The following TXNDC16 variants were observed in gnomAD, a reference collection of about 807,000 sequenced individuals.
TXNDC16 encodes thioredoxin domain containing 16.
A neutral mutation model predicts 85.6 loss-of-function variants in TXNDC16; 74 were observed. The observed-to-expected ratio is 0.86, with a 90% CI of 0.72 to 1.05. The LOEUF is 1.05. Ranked by LOEUF, TXNDC16 falls within the 50% of genes least tolerant of loss-of-function variation. The pLI, the probability that TXNDC16 is intolerant of heterozygous loss-of-function variation, is 0.00. For synonymous variants in TXNDC16, 335 were observed against 326.5 expected, an observed-to-expected ratio of 1.03 and a Z score of -0.28; for missense variants, 959 against 947.0, an observed-to-expected ratio of 1.01 and a Z score of -0.17.
intron 11 of TXNDC16, among the ~76,000 whole-genome samples, chr14:52,489,343 A>G (rs974754464): frequency 6.8e-4 from 103 of 152,280 alleles, no homozygotes; most frequent in African/African-American, 2.4e-3. Context: ...TTATTTCACT[A>G]TTGCCCAACT....
chr14:52,514,637 G>A (rs2037036118), intron 8 of TXNDC16, among the ~76,000 whole-genome samples: 1 of 152,068 alleles, frequency 6.6e-6, no homozygotes, highest in Non-Finnish European at 1.5e-5. Context: ...CTCACATCTT[G>A]TGGCTTATCC....
intron 8 of TXNDC16, among the ~76,000 whole-genome samples, chr14:52,512,241 G>C (rs79720789): frequency 0.013 from 2,033 of 151,934 alleles, 44 homozygotes; most frequent in African/African-American, 0.046. Flanking sequence ...AACAGATAAA[G>C]GTAAATAAAA....
chr14:52,542,148 C>G (rs2037844262), intron 4 of TXNDC16, among the ~76,000 whole-genome samples: 1 of 152,006 alleles, frequency 6.6e-6, no homozygotes, highest in Non-Finnish European at 1.5e-5. Context: ...AAGTTAAATT[C>G]TAAGCTAAAA....
At position 52,440,782 on chromosome 14, in the gene TXNDC16, C is replaced by T; in HGVS notation, c.1843-58G>A. The T allele has an allele frequency of 1.4e-6, 2 of 1,430,748 alleles. No homozygotes were observed. Among genetic ancestry groups the T allele is most frequent in the South Asian group, 1.3e-5 (1 of 75,170 alleles). 88.6% of individuals were successfully genotyped at this position (1,430,748 alleles called of 1,614,324 possible). ...ATGCATTGGGGATGATAATGCATAC[C>T]ACAGAAGACATTCAAATCACTCAGT... On this transcript the variant is annotated intron_variant, in intron 18 of 20. Coordinates refer to ENST00000281741, the MANE Select transcript of TXNDC16 (RefSeq NM_020784.3).
At chr14:52,525,496 C>A (rs1186732157) in intron 6 of TXNDC16, among the ~76,000 whole-genome samples, 1 of 146,362 alleles carries the variant, frequency 6.8e-6, no homozygotes, top group African/African-American at 2.5e-5. Flanking sequence ...TTGAGAACAG[C>A]CTAACCAACA....
chr14:52,448,143 AAC>A (rs1428232531), intron 18 of TXNDC16, among the ~76,000 whole-genome samples: 1 of 152,090 alleles, frequency 6.6e-6, no homozygotes, highest in African/African-American at 2.4e-5. Flanking sequence ...AAAAGATAGT[AAC>A]AGAGAATTTC....
intron 18 of TXNDC16, among the ~76,000 whole-genome samples, chr14:52,442,236 C>T (rs952079744): frequency 4.6e-5 from 7 of 152,152 alleles, no homozygotes; most frequent in Admixed American, 1.3e-4. Flanking sequence ...TTCAGTTCCA[C>T]GTCCATTATT....
intron 1 of TXNDC16, 115 bp downstream of exon 1, chr14:52,552,201 T>A (rs1046107349): frequency 6.6e-6 from 1 of 152,316 alleles, no homozygotes; most frequent in East Asian, 1.9e-4. Flanking sequence ...GACGGGTGTC[T>A]TAAGTCAGAC....
intron 20 of TXNDC16, among the ~76,000 whole-genome samples, chr14:52,438,060 T>C (rs1183839225): frequency 6.6e-6 from 1 of 152,186 alleles, no homozygotes; most frequent in African/African-American, 2.4e-5. Context: ...ACTAAATTGC[T>C]GCAATCTTAT....
chr14:52,459,012 G>A (rs2035595656), intron 16 of TXNDC16, among the ~76,000 whole-genome samples: 1 of 151,824 alleles, frequency 6.6e-6, no homozygotes, highest in South Asian at 2.1e-4. Flanking sequence ...CTCCTCCTTG[G>A]TAAAAACTGT....
chr14:52,467,351 A>G (rs150611735), intron 16 of TXNDC16, among the ~76,000 whole-genome samples: 1 of 152,196 alleles, frequency 6.6e-6, no homozygotes, highest in African/African-American at 2.4e-5. Context: ...TTACAAATCA[A>G]ATCTTTGATA....
At chr14:52,457,301 T>C (rs571903646) in intron 16 of TXNDC16, 127 bp from the exon 17 acceptor site, 1 of 515,584 alleles carries the variant, frequency 1.9e-6, no homozygotes, top group African/African-American at 2.0e-5. Flanking sequence ...TAAGTGCAGA[T>C]GTCTTATATA....
In TXNDC16 at chr14:52,490,457, T is replaced by C. The variant is rs558681457; in HGVS notation, c.924-6A>G. ...TGTTCACTTCCAAAGAGTCCCTTTTTCAAAATGGAAATAAATGTTTTATGT... is the reference window on the plus strand; with the variant it reads ...TGTTCACTTCCAAAGAGTCCCTTTTCCAAAATGGAAATAAATGTTTTATGT... On this transcript the variant is annotated splice_polypyrimidine_tract_variant and splice_region_variant and intron_variant, in intron 10 of 20. Coordinates refer to ENST00000281741, the MANE Select transcript of TXNDC16 (RefSeq NM_020784.3). 9.4e-6 allele frequency: 15 copies of C among 1,595,304 alleles called. No individual in the cohort carries two copies. The South Asian group carries it at 1.7e-4, about 18-fold the overall frequency.
intron 16 of TXNDC16, among the ~76,000 whole-genome samples, chr14:52,464,027 C>A (rs1035908982): frequency 1.3e-5 from 2 of 152,280 alleles, no homozygotes; most frequent in Non-Finnish European, 2.9e-5. Flanking sequence ...TTCTGGCACA[C>A]CAGAACTACC....
chr14:52,490,444 A>G lies in TXNDC16; in HGVS notation c.931T>C (p.Leu311=), dbSNP rs1267162947. 2 of 1,598,824 alleles carry G rather than the reference A, an allele frequency of 1.3e-6. No individual in the cohort carries two copies. The highest frequency in any genetic ancestry group is 4.5e-5 in the East Asian group (2 of 44,130). The stretch of plus-strand genomic sequence containing the variant: ...GCATCTTGAGGAATGTTCACTTCCA[A>G]AGAGTCCCTTTTTCAAAATGGAAAT... ...AGVLLLLRDS[L]EVNIPQDANV... is the part of the protein sequence containing the mutation. The change falls in exon 11 of 21, where the codon TTG becomes CTG. Residue 311 remains leucine, a synonymous_variant. Coordinates refer to ENST00000281741, the MANE Select transcript of TXNDC16 (RefSeq NM_020784.3).
At chr14:52,455,938 G>C (rs907247048) in intron 17 of TXNDC16, among the ~76,000 whole-genome samples, 1 of 152,136 alleles carries the variant, frequency 6.6e-6, no homozygotes, top group Non-Finnish European at 1.5e-5. Flanking sequence ...ATAGGACTGA[G>C]AGAGTGATAA....
chr14:52,484,143 C>T (rs1382832242), intron 12 of TXNDC16, among the ~76,000 whole-genome samples: 1 of 148,866 alleles, frequency 6.7e-6, no homozygotes, highest in African/African-American at 2.5e-5. Context: ...TTTCTGAAAC[C>T]CAGGGAAATA....
At position 52,483,051 on chromosome 14, in the gene TXNDC16, T is replaced by G. The variant is rs112664345; in HGVS notation, c.1109-86A>C. On this transcript the variant is annotated intron_variant, in intron 12 of 20. Transcript: ENST00000281741. ...CTTCTCATAGGAAGCATATAATAAT[T>G]CAGTACTTTATACAAACTTTTGAAT... 1,767 of 1,140,666 alleles carry G rather than the reference T, an allele frequency of 1.5e-3. 23 individuals are homozygous for G. The African/African-American group carries it at 0.025, about 16-fold the overall frequency. 70.7% of individuals were successfully genotyped at this position (1,140,666 alleles called of 1,614,324 possible).
intron 14 of TXNDC16, among the ~76,000 whole-genome samples, chr14:52,475,881 T>C (rs1323174028): frequency 2.6e-5 from 4 of 152,136 alleles, no homozygotes; most frequent in Non-Finnish European, 1.5e-5. Context: ...AGCACAAAAA[T>C]AGTGCATTAA....
Sources: allele counts gnomAD v4.1 joint callset (sites outside exome capture counted in the v4.1 genomes callset), GRCh38; gene constraint gnomAD v4.1.1; transcripts MANE v1.5; gene names NCBI Gene and HGNC (gene_info 2026-07-23, HGNC 2026-07-21).